Variants in CSMD1 observed in about 807,000 individuals in gnomAD.
CSMD1 encodes CUB and sushi domain-containing protein 1.
Under a neutral mutation model 417.5 loss-of-function variants are expected in CSMD1, and 213 were observed. That is an observed-to-expected ratio of 0.51 (90% CI 0.46 to 0.57). The LOEUF (loss-of-function observed/expected upper bound fraction) is 0.57, where lower values mean the gene tolerates loss of function less well. CSMD1 is among the 20% of genes least tolerant of loss of function. CSMD1 has a pLI of 0.00. For synonymous variants in CSMD1, 2,862 were observed against 1,736.8 expected, an observed-to-expected ratio of 1.65 and a Z score of -16.11; for missense variants, 6,923 against 4,529.7, an observed-to-expected ratio of 1.53 and a Z score of -15.17.
chr8:3,777,613 C>A (rs1165123038), intron 5 of CSMD1, among the ~76,000 whole-genome samples: 1 of 152,204 alleles, frequency 6.6e-6, no homozygotes, highest in Non-Finnish European at 1.5e-5. Flanking sequence ...TGAGATGCCT[C>A]CCCCACCAGC....
chr8:4,674,065 A>G (rs1409949397), intron 1 of CSMD1, among the ~76,000 whole-genome samples: 1 of 152,206 alleles, frequency 6.6e-6, no homozygotes, highest in African/African-American at 2.4e-5. Context: ...TTCTAAATGG[A>G]GACTTTCTCA....
chr8:3,507,694 A>G (rs918469537), intron 10 of CSMD1, among the ~76,000 whole-genome samples: 1 of 152,168 alleles, frequency 6.6e-6, no homozygotes, highest in African/African-American at 2.4e-5. Flanking sequence ...AATGATTGCC[A>G]TTCTAACTGG....
chr8:4,045,157 G>A (rs1232083652), intron 3 of CSMD1, among the ~76,000 whole-genome samples: 1 of 152,180 alleles, frequency 6.6e-6, no homozygotes, highest in South Asian at 2.1e-4. Flanking sequence ...CGGCCACGCA[G>A]TCGTGGGCTG....
chr8:3,467,022 T>G (rs1025402722), intron 12 of CSMD1, among the ~76,000 whole-genome samples: 4 of 152,210 alleles, frequency 2.6e-5, no homozygotes, highest in African/African-American at 9.7e-5. Context: ...TCTCAAGGAC[T>G]GATGGCCATT....
rs376930026 is a variant in CSMD1, at chr8:4,605,850, C to T, written c.302+31492G>A. 3.5e-4 allele frequency among the ~76,000 whole-genome samples: 54 copies of T among 152,216 alleles called. No individual in the cohort carries two copies. In the East Asian group the frequency reaches 9.5e-3, roughly 27 times the overall value. ...GGACAAGGGTTCGTGTTCTAATTGC[C>T]GTGTCAAATTCCAGCCAAATGAGGC... On this transcript the variant is annotated intron_variant, in intron 2 of 69. Transcript: ENST00000635120.
chr8:2,947,271 T>G (rs1802311383), intron 68 of CSMD1, among the ~76,000 whole-genome samples: 1 of 152,216 alleles, frequency 6.6e-6, no homozygotes, highest in African/African-American at 2.4e-5. Flanking sequence ...ATTAATTTTA[T>G]TTTAGTATCC....
chr8:4,797,318 C>A (rs573237970), intron 1 of CSMD1, among the ~76,000 whole-genome samples: 56 of 152,266 alleles, frequency 3.7e-4, no homozygotes, highest in Non-Finnish European at 5.4e-4. Context: ...GCTTTTGTGG[C>A]AGCTGAGAGT....
chr8:4,049,923 A>T (rs1239435127), intron 3 of CSMD1, among the ~76,000 whole-genome samples: 1 of 145,606 alleles, frequency 6.9e-6, no homozygotes, highest in South Asian at 2.2e-4. Flanking sequence ...ATCCATTCGG[A>T]TACCACACTG....
intron 1 of CSMD1, among the ~76,000 whole-genome samples, chr8:4,661,249 T>A (rs1804588063): frequency 6.6e-6 from 1 of 152,122 alleles, no homozygotes; most frequent in Admixed American, 6.6e-5. Context: ...AAATAAATTG[T>A]GTTACATCCA....
At chr8:3,453,657 T>A (rs921310130) in intron 12 of CSMD1, among the ~76,000 whole-genome samples, 3 of 152,256 alleles carry the variant, frequency 2.0e-5, no homozygotes, top group African/African-American at 7.2e-5. Flanking sequence ...TGTAGTTTTA[T>A]TGCACTGTGG....
intron 3 of CSMD1, among the ~76,000 whole-genome samples, chr8:4,342,130 C>T (rs1800510972): frequency 1.3e-5 from 2 of 152,108 alleles, no homozygotes; most frequent in African/African-American, 4.8e-5. Flanking sequence ...TCTAACAAGA[C>T]AAGAAGCCAA....
chr8:3,454,258 C>T (rs1209709424), intron 12 of CSMD1, among the ~76,000 whole-genome samples: 1 of 152,174 alleles, frequency 6.6e-6, no homozygotes, highest in South Asian at 2.1e-4. Flanking sequence ...GGTCTTGACT[C>T]TTTATCCAAT....
At chr8:4,812,648 G>C (rs890764073) in intron 1 of CSMD1, among the ~76,000 whole-genome samples, 3 of 152,032 alleles carry the variant, frequency 2.0e-5, no homozygotes, top group Admixed American at 1.3e-4. Flanking sequence ...TTTAAACAAA[G>C]ATTCTTATTC....
chr8:3,965,523 C>T (rs752492894), intron 5 of CSMD1, among the ~76,000 whole-genome samples: 1 of 152,272 alleles, frequency 6.6e-6, no homozygotes, highest in South Asian at 2.1e-4. Context: ...TCGGCTGAAA[C>T]AATAGAGCCT....
At chr8:4,003,561 T>C (rs17574215) in intron 4 of CSMD1, among the ~76,000 whole-genome samples, 23,234 of 152,208 alleles carry the variant, frequency 0.15, 1,855 homozygotes, top group East Asian at 0.2. Context: ...GAAGTTTCAA[T>C]CTTTCTTATT....
intron 1 of CSMD1, among the ~76,000 whole-genome samples, chr8:4,643,247 A>C (rs1803316907): frequency 6.6e-6 from 1 of 152,210 alleles, no homozygotes; most frequent in South Asian, 2.1e-4. Context: ...TAAACCTTAC[A>C]TATTTATTAC....
intron 3 of CSMD1, among the ~76,000 whole-genome samples, chr8:4,133,054 G>C (rs541109822): frequency 6.2e-4 from 94 of 152,186 alleles, no homozygotes; most frequent in South Asian, 2.5e-3. Context: ...TTCTGCCTCA[G>C]CCTCTTGAGT....
Position 3,190,026 on chromosome 8 carries a change from T to A in CSMD1, c.5284A>T (p.Ile1762Phe). 1 of 1,595,486 alleles carries A rather than the reference T, an allele frequency of 6.3e-7. No homozygotes were observed. Among genetic ancestry groups the A allele is most frequent in the Non-Finnish European group, 8.5e-7 (1 of 1,171,214 alleles). ...RIGSEFSAGS[I>F]VRFECNPGYL... Reference sequence around the variant, plus strand: ...CCCGGGTTGCACTCGAATCGGACGATGGAGCCGGCAGAAAACTCAGAACCA... The same window carrying A: ...CCCGGGTTGCACTCGAATCGGACGAAGGAGCCGGCAGAAAACTCAGAACCA... Residue 1762 changes from isoleucine to phenylalanine, a missense_variant, in exon 34 of 70, where the codon ATC becomes TTC. By Grantham distance (21) the Ile-to-Phe change is conservative. Transcript: ENST00000635120.
At chr8:3,111,290 G>C (rs532013338) in intron 42 of CSMD1, among the ~76,000 whole-genome samples, 1 of 152,224 alleles carries the variant, frequency 6.6e-6, no homozygotes, top group East Asian at 1.9e-4. Context: ...GAACTGCACA[G>C]ATGTGTATTG....
Sources: allele counts gnomAD v4.1 joint callset (sites outside exome capture counted in the v4.1 genomes callset), GRCh38; gene constraint gnomAD v4.1.1; transcripts MANE v1.5; gene names NCBI Gene and HGNC (gene_info 2026-07-23, HGNC 2026-07-21).